Variants in B3GALNT2 observed in about 807,000 individuals in gnomAD.
The protein encoded by B3GALNT2 is beta-1,3-N-acetylgalactosaminyltransferase 2.
B3GALNT2 carries 53 observed loss-of-function variants against 61.1 expected under a neutral mutation model. The observed-to-expected ratio is 0.87, with a 90% confidence interval of 0.70 to 1.09. The LOEUF is 1.09. B3GALNT2 is among the 50% of genes least tolerant of loss of function. The pLI, the probability that B3GALNT2 is intolerant of heterozygous loss-of-function variation, is 0.00. For synonymous variants in B3GALNT2, 223 were observed against 237.4 expected (o/e 0.94, Z 0.56); for missense variants, 544 against 623.0 (o/e 0.87, Z 1.35).
chr1:235,483,094 TA>T (rs1219303456), intron 4 of B3GALNT2, among the ~76,000 whole-genome samples: 1 of 152,010 alleles, frequency 6.6e-6, no homozygotes, highest in Non-Finnish European at 1.5e-5. Flanking sequence ...ACTGAAGCAC[TA>T]AAAAGTATAA....
chr1:235,448,199 AG>A lies in B3GALNT2; in HGVS notation c.*2006del. 1 of 693,486 alleles carries A rather than the reference AG, an allele frequency of 1.4e-6. No individual in the cohort carries two copies. The highest frequency in any genetic ancestry group is 2.3e-5 in the Admixed American group (1 of 43,446). 43.0% of individuals were successfully genotyped at this position (693,486 alleles called of 1,614,324 possible). Reference sequence around the variant, plus strand: ...TGGGCGACAGAGCAAGACTTACTTAAGTAAGTAAGTAAGTCAGTCTCAAAAA... The same window carrying A: ...TGGGCGACAGAGCAAGACTTACTTAATAAGTAAGTAAGTCAGTCTCAAAAA... On this transcript the variant is annotated 3_prime_UTR_variant, in exon 12 of 12. Coordinates refer to ENST00000366600, the MANE Select transcript of B3GALNT2 (RefSeq NM_152490.5).
At chr1:235,501,013 C>T (rs1685557641) in intron 1 of B3GALNT2, among the ~76,000 whole-genome samples, 1 of 152,220 alleles carries the variant, frequency 6.6e-6, no homozygotes, top group South Asian at 2.1e-4. Flanking sequence ...AGGGACTAGG[C>T]ATCCAGCACA....
At chr1:235,459,609 A>C (rs1683322240) in intron 7 of B3GALNT2, among the ~76,000 whole-genome samples, 1 of 152,180 alleles carries the variant, frequency 6.6e-6, no homozygotes, top group African/African-American at 2.4e-5. Flanking sequence ...CCTAGGCAAC[A>C]CAGCGAGACC....
chr1:235,489,346 G>A, intron 2 of B3GALNT2, 78 bp from the exon 3 acceptor site: 1 of 1,572,846 alleles, frequency 6.4e-7, no homozygotes, highest in African/African-American at 1.3e-5. Flanking sequence ...CCATTTCAGA[G>A]CTTTTACTTT....
downstream of B3GALNT2, among the ~76,000 whole-genome samples, chr1:235,443,195 T>C (rs75038687): frequency 9.4e-4 from 140 of 149,626 alleles, no homozygotes; most frequent in South Asian, 7.4e-3. Flanking sequence ...CATATATATA[T>C]ACACACACAC....
At chr1:235,440,456 G>A in the B3GALNT2 span, among the ~76,000 whole-genome samples, 82 of 151,812 alleles carry the variant, frequency 5.4e-4, no homozygotes, top group Middle Eastern at 0.014. Context: ...CCAATGGCGC[G>A]ATCTCGGCTC....
Position 235,450,009 on chromosome 1 carries a change from T to G in B3GALNT2, c.*197A>C, listed in dbSNP as rs536145758. On this transcript the variant is annotated 3_prime_UTR_variant, in exon 12 of 12. Transcript: ENST00000366600. ...AATAGATAAATAAAAACTTTTCTTATGCTACAGTACAAGTTGATTTTTAAG... is the reference window on the plus strand; with the variant it reads ...AATAGATAAATAAAAACTTTTCTTAGGCTACAGTACAAGTTGATTTTTAAG... The G allele has an allele frequency of 1.5e-3, 710 of 472,472 alleles. 5 individuals carry two copies. The highest frequency in any genetic ancestry group is 0.013 in the African/African-American group (649 of 50,806). The allele number at this position is 472,472 out of a possible 1,614,324, so 29.3% of individuals were successfully genotyped here. A position where few individuals can be genotyped will look rare whatever the true frequency, so the allele number is the denominator to read the frequency against.
intron 5 of B3GALNT2, among the ~76,000 whole-genome samples, chr1:235,476,588 G>A (rs552675904): frequency 1.7e-4 from 26 of 152,230 alleles, no homozygotes; most frequent in Admixed American, 1.6e-3. Flanking sequence ...GGTGGCTCAT[G>A]TCTGTAATCT....
At chr1:235,444,287 A>G (rs1457707267), downstream of B3GALNT2, among the ~76,000 whole-genome samples, 1 of 152,246 alleles carries the variant, frequency 6.6e-6, no homozygotes, top group Admixed American at 6.5e-5. Context: ...CTACTGCTAT[A>G]TAATGGGTTA....
At chr1:235,469,750 C>T (rs1032041014) in intron 6 of B3GALNT2, among the ~76,000 whole-genome samples, 2 of 150,180 alleles carry the variant, frequency 1.3e-5, no homozygotes, top group African/African-American at 2.5e-5. Context: ...TTAGTAGAGA[C>T]GGGGTTTCAC....
intron 1 of B3GALNT2, among the ~76,000 whole-genome samples, chr1:235,496,486 A>G (rs1261917899): frequency 1.3e-5 from 2 of 152,120 alleles, no homozygotes; most frequent in African/African-American, 4.8e-5. Context: ...TTAATCTGTG[A>G]AAAGCACTAC....
chr1:235,481,726 C>T (rs1036105975), intron 4 of B3GALNT2, among the ~76,000 whole-genome samples: 2 of 152,012 alleles, frequency 1.3e-5, no homozygotes, highest in Non-Finnish European at 2.9e-5. Context: ...TTCTAGATAA[C>T]AGTGATACTC....
chr1:235,490,419 C>T (rs991899024), intron 2 of B3GALNT2, among the ~76,000 whole-genome samples: 13 of 152,040 alleles, frequency 8.6e-5, no homozygotes, highest in African/African-American at 2.4e-4. Context: ...TTAGTAGAGA[C>T]GGGATTTCAC....
At chr1:235,441,557 G>A in the B3GALNT2 span, 2 of 514,576 alleles carry the variant, frequency 3.9e-6, no homozygotes, top group African/African-American at 3.8e-5. Context: ...GTTGTCTTTT[G>A]TTGAGTTTCA....
intron 3 of B3GALNT2, among the ~76,000 whole-genome samples, chr1:235,487,173 A>G (rs1684847929): frequency 6.6e-6 from 1 of 151,988 alleles, no homozygotes; most frequent in Non-Finnish European, 1.5e-5. Context: ...AAAAAAAAAA[A>G]AAAGACAAGA....
In B3GALNT2 at chr1:235,463,268, T is replaced by C. The variant is rs117520422; in HGVS notation, c.841+2368A>G. ...GGGTAGGAATAAGACTACACACTGG[T>C]TACAGTGTACACTGCTTGGGTGATG... On this transcript the variant is annotated intron_variant, in intron 7 of 11. Coordinates refer to ENST00000366600, the MANE Select transcript of B3GALNT2 (RefSeq NM_152490.5). Among the ~76,000 whole-genome samples, 128 of 152,260 alleles carry C rather than the reference T, an allele frequency of 8.4e-4. 2 individuals are homozygous for C. In the East Asian group the frequency reaches 0.023, roughly 28 times the overall value.
intron 6 of B3GALNT2, among the ~76,000 whole-genome samples, chr1:235,470,550 C>T (rs987680261): frequency 2.7e-5 from 4 of 146,444 alleles, no homozygotes; most frequent in African/African-American, 1.0e-4. Context: ...TGCACCCCAG[C>T]CTGTGCAACA....
At chr1:235,491,752 C>T (rs1225422312) in intron 2 of B3GALNT2, among the ~76,000 whole-genome samples, 1 of 152,122 alleles carries the variant, frequency 6.6e-6, no homozygotes, top group Admixed American at 6.6e-5. Flanking sequence ...TTCCACTCAA[C>T]CCTCCACATG....
the B3GALNT2 span, among the ~76,000 whole-genome samples, chr1:235,440,051 A>G: frequency 6.6e-6 from 1 of 151,992 alleles, no homozygotes; most frequent in Admixed American, 6.6e-5. Context: ...GCTCACTGCA[A>G]GCTCCGCCTC....
Sources: gnomAD v4.1 joint callset for allele counts (sites outside exome capture counted in the v4.1 genomes callset) on GRCh38, gnomAD v4.1.1 for gene constraint, MANE v1.5 for transcripts, NCBI Gene and HGNC (gene_info 2026-07-23, HGNC 2026-07-21) for gene names.